Variants in MCM10 observed in about 807,000 individuals in gnomAD.
MCM10 encodes minichromosome maintenance 10 replication initiation factor.
MCM10 carries 91 observed loss-of-function variants against 109.9 expected under a neutral mutation model. That is an observed-to-expected ratio of 0.83 (90% CI 0.70 to 0.99). The LOEUF is 0.99. Ranked by LOEUF, MCM10 falls within the 50% of genes least tolerant of loss-of-function variation. MCM10 has a pLI of 0.00. For synonymous variants in MCM10, 380 were observed against 387.2 expected (o/e 0.98, Z 0.22); for missense variants, 1,077 against 1,061.2 (o/e 1.01, Z -0.21).
intron 6 of MCM10, among the ~76,000 whole-genome samples, chr10:13,176,721 A>T (rs1834146509): frequency 6.6e-6 from 1 of 152,076 alleles, no homozygotes; most frequent in African/African-American, 2.4e-5. Context: ...ACATAGTGAG[A>T]CCTCATCTCT....
At chr10:13,202,096 T>C (rs535497507) in intron 17 of MCM10, among the ~76,000 whole-genome samples, 1 of 152,346 alleles carries the variant, frequency 6.6e-6, no homozygotes, top group Non-Finnish European at 1.5e-5. Context: ...TGATGGCTCA[T>C]GCCTGGAATC....
intron 10 of MCM10, 72 bp from the exon 11 acceptor site, chr10:13,191,227 T>A: frequency 2.1e-6 from 2 of 971,652 alleles, no homozygotes; most frequent in Admixed American, 3.6e-5. Flanking sequence ...TGATGATATC[T>A]ATGCCTTCTT....
At chr10:13,168,175 T>C (rs768255) in intron 2 of MCM10, among the ~76,000 whole-genome samples, 87,762 of 152,100 alleles carry the variant, frequency 0.58, 25,510 homozygotes, top group Non-Finnish European at 0.59. Flanking sequence ...CAAGAGATGG[T>C]GGAGGCCTCT....
intron 10 of MCM10, among the ~76,000 whole-genome samples, chr10:13,191,025 G>A (rs1834340263): frequency 1.3e-5 from 2 of 152,106 alleles, no homozygotes. Context: ...CAGACTGCTG[G>A]ATCAAAGCAT....
intron 8 of MCM10, among the ~76,000 whole-genome samples, chr10:13,185,933 G>T (rs1468269451): frequency 2.0e-5 from 3 of 152,102 alleles, no homozygotes; most frequent in African/African-American, 7.2e-5. Context: ...GCTAATTTTT[G>T]TGGTTTTTTG....
intron 2 of MCM10, among the ~76,000 whole-genome samples, chr10:13,165,459 A>G (rs539599222): frequency 6.6e-6 from 1 of 152,382 alleles, no homozygotes; most frequent in East Asian, 1.9e-4. Flanking sequence ...AGGGCAGGTT[A>G]TATAATACAA....
chr10:13,178,167 C>T (rs1313556466), intron 6 of MCM10, among the ~76,000 whole-genome samples: 1 of 152,160 alleles, frequency 6.6e-6, no homozygotes, highest in African/African-American at 2.4e-5. Context: ...GATCTCAGCT[C>T]ACTGCAACCT....
intron 16 of MCM10, 64 bp from the exon 17 acceptor site, chr10:13,201,357 A>T: frequency 1.1e-6 from 1 of 933,732 alleles, no homozygotes; most frequent in Non-Finnish European, 1.7e-6. Context: ...AGTTACTCTT[A>T]CTGTGCTGCC....
At chr10:13,208,947 A>T (rs542791087) in intron 18 of MCM10, 144 bp from the exon 19 acceptor site, 1 of 682,534 alleles carries the variant, frequency 1.5e-6, no homozygotes, top group Non-Finnish European at 2.7e-6. Context: ...GCATAACCTC[A>T]GATTTGGCAT....
rs186471876 is a variant in MCM10, at chr10:13,167,545, G to A, written c.7+3336G>A. The stretch of plus-strand genomic sequence containing the variant: ...GGATCATCCTTGCGGAGGTTGAAGT[G>A]CCCCAGGAGGGTGATAACAGTAGAG... On this transcript the variant is annotated intron_variant, in intron 2 of 19. Coordinates refer to ENST00000378714, the MANE Select transcript of MCM10 (RefSeq NM_018518.5). 6.7e-3 allele frequency among the ~76,000 whole-genome samples: 1,008 copies of A among 149,632 alleles called. 15 individuals carry two copies. The highest frequency in any genetic ancestry group is 0.023 in the African/African-American group (924 of 40,828).
At chr10:13,163,427 A>T (rs1833953795) in intron 1 of MCM10, among the ~76,000 whole-genome samples, 1 of 152,248 alleles carries the variant, frequency 6.6e-6, no homozygotes, top group Admixed American at 6.5e-5. Context: ...AAGAGCCTAG[A>T]AAAATGTATA....
intron 6 of MCM10, among the ~76,000 whole-genome samples, chr10:13,177,907 C>T (rs1834163001): frequency 6.6e-6 from 1 of 151,584 alleles, no homozygotes; most frequent in Non-Finnish European, 1.5e-5. Flanking sequence ...AAGAATGACT[C>T]GGACTTATAT....
chr10:13,190,360 A>G (rs952590571), intron 10 of MCM10, among the ~76,000 whole-genome samples: 1 of 152,224 alleles, frequency 6.6e-6, no homozygotes, highest in African/African-American at 2.4e-5. Context: ...GAGAAAATAA[A>G]AACCAACTAT....
chr10:13,207,620 G>A (rs964788148), intron 18 of MCM10, among the ~76,000 whole-genome samples: 3 of 152,090 alleles, frequency 2.0e-5, no homozygotes, highest in East Asian at 1.9e-4. Flanking sequence ...GGTCTTTCCC[G>A]GGCTGTTCTC....
In MCM10 at chr10:13,184,363, G is replaced by A. The variant is rs367842262; in HGVS notation, c.1098+1263G>A. On this transcript the variant is annotated intron_variant, in intron 8 of 19. Transcript: ENST00000378714. The stretch of plus-strand genomic sequence containing the variant: ...TTTATAGTTGAGGGGATTTTGCTCC[G>A]TTGACTGTGACAACCATAGCTGCAG... Among the ~76,000 whole-genome samples, 18 of 152,280 alleles carry A rather than the reference G, an allele frequency of 1.2e-4. No homozygotes were observed. In the East Asian group the frequency reaches 2.9e-3, roughly 24 times the overall value.
chr10:13,184,009 C>A (rs1834243452), intron 8 of MCM10, among the ~76,000 whole-genome samples: 1 of 152,126 alleles, frequency 6.6e-6, no homozygotes, highest in African/African-American at 2.4e-5. Context: ...GCATGTGCCA[C>A]CATGCCTAGC....
chr10:13,204,913 T>C (rs1588480910), intron 18 of MCM10, among the ~76,000 whole-genome samples: 1 of 151,640 alleles, frequency 6.6e-6, no homozygotes, highest in Non-Finnish European at 1.5e-5. Flanking sequence ...TTACTTATAA[T>C]ACCTAATACA....
intron 5 of MCM10, among the ~76,000 whole-genome samples, chr10:13,174,814 T>C (rs906577278): frequency 1.6e-4 from 25 of 152,120 alleles, no homozygotes; most frequent in African/African-American, 6.0e-4. Context: ...GATTTGATTA[T>C]TGCATGTGTT....
At chr10:13,186,872 G>A (rs771764537) in intron 9 of MCM10, among the ~76,000 whole-genome samples, 3 of 152,070 alleles carry the variant, frequency 2.0e-5, no homozygotes, top group African/African-American at 4.8e-5. Context: ...GGCGCCTGTA[G>A]TTCCAGCTAC....
Sources: allele counts gnomAD v4.1 joint callset (sites outside exome capture counted in the v4.1 genomes callset), GRCh38; gene constraint gnomAD v4.1.1; transcripts MANE v1.5; gene names NCBI Gene and HGNC (gene_info 2026-07-23, HGNC 2026-07-21).